Variants in FAM149B1 observed in about 807,000 individuals in gnomAD.
The protein encoded by FAM149B1 is family with sequence similarity 149 member B1.
Under a neutral mutation model 75.3 loss-of-function variants are expected in FAM149B1, and 56 were observed. The observed-to-expected ratio is 0.74, with a 90% CI of 0.60 to 0.93. The LOEUF is 0.93. FAM149B1 is among the 40% of genes least tolerant of loss of function. The pLI, the probability that FAM149B1 is intolerant of heterozygous loss-of-function variation, is 0.00. For missense variants in FAM149B1, 639 were observed against 708.4 expected, an observed-to-expected ratio of 0.90 and a Z score of 1.11; for synonymous variants, 259 against 256.1, an observed-to-expected ratio of 1.01 and a Z score of -0.11.
intron 7 of FAM149B1, among the ~76,000 whole-genome samples, chr10:73,226,822 T>C (rs1290895668): frequency 1.3e-5 from 2 of 152,210 alleles, no homozygotes; most frequent in East Asian, 1.9e-4. Flanking sequence ...AGTTGGTTCA[T>C]TGTTGTTAGA....
chr10:73,235,457 T>TA, intron 12 of FAM149B1, 139 bp downstream of exon 12: 3 of 1,447,502 alleles, frequency 2.1e-6, no homozygotes, highest in Non-Finnish European at 2.7e-6. Context: ...TAAAAAGTGT[T>TA]ATAAATACAT....
intron 3 of FAM149B1, among the ~76,000 whole-genome samples, chr10:73,180,126 T>C (rs1012325703): frequency 3.2e-4 from 49 of 152,234 alleles, no homozygotes; most frequent in African/African-American, 1.1e-3. Context: ...GGTGCTGAAA[T>C]AGAACATTAT....
intron 3 of FAM149B1, among the ~76,000 whole-genome samples, chr10:73,189,770 T>C (rs2042635912): frequency 1.3e-5 from 2 of 152,214 alleles, no homozygotes; most frequent in Admixed American, 6.5e-5. Context: ...ATGTTTTATA[T>C]CTGGAAAGGA....
intron 5 of FAM149B1, among the ~76,000 whole-genome samples, chr10:73,199,555 G>C (rs2042886556): frequency 6.6e-6 from 1 of 151,722 alleles, no homozygotes; most frequent in African/African-American, 2.4e-5. Flanking sequence ...TTTGTTTTAG[G>C]AGACAGGGTC....
At chr10:73,210,490 AC>A in intron 7 of FAM149B1, 52 bp downstream of exon 7, 1 of 1,308,880 alleles carries the variant, frequency 7.6e-7, no homozygotes, top group Non-Finnish European at 1.1e-6. Flanking sequence ...TGATTTCTAA[AC>A]CCTAACCAGT....
chr10:73,172,861 T>C (rs1214539545), intron 1 of FAM149B1, among the ~76,000 whole-genome samples: 1 of 151,366 alleles, frequency 6.6e-6, no homozygotes, highest in Non-Finnish European at 1.5e-5. Flanking sequence ...CCCAGTACTT[T>C]GGGAGGCTGA....
At position 73,234,956 on chromosome 10, in the gene FAM149B1, A is replaced by G. The variant is rs2043789540; in HGVS notation, c.1476+16A>G. 1 of 1,551,504 alleles carries G rather than the reference A, an allele frequency of 6.4e-7. No individual in the cohort carries two copies. The highest frequency in any genetic ancestry group is 1.2e-5 in the South Asian group (1 of 84,002). On this transcript the variant is annotated intron_variant, in intron 11 of 13. Transcript: ENST00000242505. ...AAGACAGATGGTATGTTTCTTTCAT[A>G]TTGCCTCTCCATGTACTTACCATAC...
intron 5 of FAM149B1, among the ~76,000 whole-genome samples, chr10:73,203,044 G>A (rs546773688): frequency 4.6e-5 from 7 of 152,188 alleles, no homozygotes; most frequent in Admixed American, 2.6e-4. Context: ...GTAGAGTGGC[G>A]GCATGGTGTT....
In FAM149B1 at chr10:73,233,159, C is replaced by T. The variant is rs1053170465; in HGVS notation, c.1348C>T (p.Arg450Ter). 2.1e-5 allele frequency: 33 copies of T among 1,548,808 alleles called. No individual in the cohort carries two copies. The highest frequency in any genetic ancestry group is 2.4e-5 in the Non-Finnish European group (27 of 1,144,700). The stretch of plus-strand genomic sequence containing the variant: ...TGTGGAAGAAATCCTCAGAGGAGCC[C>T]GAGTGTAGGTTTCAAAAGCAGAACT... ...RSVEEILRGA[R>*]VPVAPDSLSS... The change falls in exon 10 of 14, where the codon CGA becomes TGA. Residue 450 changes from arginine (R) to a stop codon, truncating the protein, a stop_gained. Transcript: ENST00000242505. LOFTEE classifies it high-confidence loss of function.
chr10:73,243,592 G>C lies in FAM149B1; in HGVS notation c.*2573G>C. ...AGAAAGTACCTAGTGGTTGCCAGGG[G>C]CTGGAAAAGTGGAATAACTACTAAT... On this transcript the variant is annotated 3_prime_UTR_variant, in exon 14 of 14. Coordinates refer to ENST00000242505, the MANE Select transcript of FAM149B1 (RefSeq NM_173348.2). 1 of 1,581,926 alleles carries C rather than the reference G, an allele frequency of 6.3e-7. No individual in the cohort carries two copies. The highest frequency in any genetic ancestry group is 8.6e-7 in the Non-Finnish European group (1 of 1,162,620).
intron 5 of FAM149B1, 31 bp downstream of exon 5, chr10:73,193,624 GT>G (rs1300297703): frequency 9.7e-6 from 15 of 1,542,928 alleles, no homozygotes; most frequent in Non-Finnish European, 1.3e-5. Flanking sequence ...GTACTTCAAT[GT>G]GCCCTAATAT....
intron 1 of FAM149B1, among the ~76,000 whole-genome samples, chr10:73,172,102 T>A (rs1019851653): frequency 9.9e-5 from 15 of 151,670 alleles, no homozygotes; most frequent in African/African-American, 3.7e-4. Context: ...GTTATCTAAT[T>A]GTCAATTCAT....
At chr10:73,181,138 G>A (rs1233301550) in intron 3 of FAM149B1, among the ~76,000 whole-genome samples, 3 of 151,682 alleles carry the variant, frequency 2.0e-5, no homozygotes, top group African/African-American at 4.8e-5. Flanking sequence ...TCCCAAGTAG[G>A]TGGGACTACA....
chr10:73,210,219 C>A, intron 6 of FAM149B1, 32 bp from the exon 7 acceptor site: 1 of 1,476,120 alleles, frequency 6.8e-7, no homozygotes, highest in Non-Finnish European at 9.2e-7. Context: ...CCTTCAGCAT[C>A]ATGAAGTCTT....
At position 73,228,190 on chromosome 10, in the gene FAM149B1, C is replaced by G; in HGVS notation, c.1023+6C>G. On this transcript the variant is annotated splice_donor_region_variant and intron_variant, in intron 8 of 13. Coordinates refer to ENST00000242505, the MANE Select transcript of FAM149B1 (RefSeq NM_173348.2). ...TGTACATTACCTCAAATCCGGTAAGCCCCAGAGGGATCAGTTGGAGACCCC... is the reference window on the plus strand; with the variant it reads ...TGTACATTACCTCAAATCCGGTAAGGCCCAGAGGGATCAGTTGGAGACCCC... 6.4e-7 allele frequency: 1 copy of G among 1,551,444 alleles called. No homozygotes were observed. Among genetic ancestry groups the G allele is most frequent in the Non-Finnish European group, 8.7e-7 (1 of 1,146,776 alleles).
In FAM149B1 at chr10:73,208,691, C is replaced by T. The variant is rs752833168; in HGVS notation, c.615C>T (p.Ser205=). 27 of 1,549,054 alleles carry T rather than the reference C, an allele frequency of 1.7e-5. No individual in the cohort carries two copies. The highest frequency in any genetic ancestry group is 3.5e-6 in the Non-Finnish European group (4 of 1,145,326). Residue 205 remains serine, a synonymous_variant, in exon 6 of 14, where the codon TCC becomes TCT. Coordinates refer to ENST00000242505, the MANE Select transcript of FAM149B1 (RefSeq NM_173348.2). The part of the protein sequence containing the change: ...YAHKASSIAK[S]SSFCSMERDE... ...ATAAAGCATCTTCCATTGCCAAATC[C>T]TCCAGCTTTTGTTCTATGGAAAGAG...
chr10:73,220,733 ATCTCTT>A (rs1564707160), intron 7 of FAM149B1, among the ~76,000 whole-genome samples: 4 of 152,282 alleles, frequency 2.6e-5, no homozygotes, highest in African/African-American at 9.6e-5. Flanking sequence ...GACAGCGGAG[ATCTCTT>A]TCTATTTACA....
At chr10:73,189,489 A>G (rs1233710216) in intron 3 of FAM149B1, among the ~76,000 whole-genome samples, 3 of 152,232 alleles carry the variant, frequency 2.0e-5, no homozygotes, top group Admixed American at 6.5e-5. Context: ...ACTGAAAATA[A>G]CATAAACGTC....
chr10:73,195,555 A>G (rs190310842), intron 5 of FAM149B1, among the ~76,000 whole-genome samples: 80 of 152,286 alleles, frequency 5.3e-4, no homozygotes, highest in African/African-American at 1.8e-3. Context: ...TAAACTTTAT[A>G]TGTGCCTTAT....
Sources: gnomAD v4.1 joint callset for allele counts (sites outside exome capture counted in the v4.1 genomes callset) on GRCh38, gnomAD v4.1.1 for gene constraint, MANE v1.5 for transcripts, NCBI Gene and HGNC (gene_info 2026-07-23, HGNC 2026-07-21) for gene names.